Variants in HPCAL1 observed in about 807,000 individuals in gnomAD.
The protein encoded by HPCAL1 is hippocalcin-like protein 1.
A neutral mutation model predicts 17.1 loss-of-function variants in HPCAL1; 8 were observed. That is an observed-to-expected ratio of 0.47 (90% CI 0.27 to 0.84). HPCAL1 has a LOEUF of 0.84. Among genes scored for constraint, HPCAL1 ranks in the 40% least tolerant of loss-of-function variants. HPCAL1 has a pLI of 0.13. For synonymous variants in HPCAL1, 112 were observed against 111.4 expected (o/e 1.01, Z -0.03); for missense variants, 165 against 271.1 (o/e 0.61, Z 2.75).
Position 10,426,993 on chromosome 2 carries a change from C to G in HPCAL1, c.*172C>G. 1.6e-6 allele frequency: 1 copy of G among 613,288 alleles called. No individual in the cohort carries two copies. The highest frequency in any genetic ancestry group is 1.9e-5 in the South Asian group (1 of 53,690). The allele number at this position is 613,288 out of a possible 1,614,324, so 38.0% of individuals were successfully genotyped here. A position where few individuals can be genotyped will look rare whatever the true frequency, so the allele number is the denominator to read the frequency against. ...GCGCCTCCCTCCTCCACCTGACCAA[C>G]GCGACATTCCTCCCCTCACGCCTGG... On this transcript the variant is annotated 3_prime_UTR_variant, in exon 5 of 5. Coordinates refer to ENST00000307845, the MANE Select transcript of HPCAL1 (RefSeq NM_002149.4).
In HPCAL1 at chr2:10,339,852, T is replaced by C. The variant is rs962142265; in HGVS notation, c.-111+36675T>C. ...AACGGAGGCCCCAGGCTTGTGGGCC[T>C]CCTGGGGTTCCTGTGCGTTGAGGCC... On this transcript the variant is annotated intron_variant, in intron 1 of 4. Transcript: ENST00000307845. Among the ~76,000 whole-genome samples, 8 of 152,306 alleles carry C rather than the reference T, an allele frequency of 5.3e-5. No homozygotes were observed. The South Asian group carries it at 1.7e-3, about 32-fold the overall frequency.
intron 2 of HPCAL1, among the ~76,000 whole-genome samples, chr2:10,409,338 TC>T (rs1479381688): frequency 6.6e-6 from 1 of 152,110 alleles, no homozygotes; most frequent in African/African-American, 2.4e-5. Flanking sequence ...GCCTGGATGG[TC>T]CCAGATGCAT....
At chr2:10,400,842 G>A (rs1019068770) in intron 2 of HPCAL1, among the ~76,000 whole-genome samples, 9 of 152,222 alleles carry the variant, frequency 5.9e-5, no homozygotes, top group African/African-American at 2.2e-4. Context: ...CCTGGAATTG[G>A]TGGAGGGCTG....
intron 1 of HPCAL1, among the ~76,000 whole-genome samples, chr2:10,315,275 A>G (rs987711310): frequency 2.0e-5 from 3 of 148,632 alleles, no homozygotes; most frequent in Admixed American, 1.4e-4. Context: ...CCTGGGCAAC[A>G]GAGCGAGACT....
intron 1 of HPCAL1, among the ~76,000 whole-genome samples, chr2:10,351,105 A>C (rs984432529): frequency 2.0e-5 from 3 of 152,212 alleles, no homozygotes; most frequent in Admixed American, 1.3e-4. Context: ...CTTACACATA[A>C]ATGTTTACAG....
intron 1 of HPCAL1, among the ~76,000 whole-genome samples, chr2:10,378,758 G>A (rs1170806963): frequency 6.6e-6 from 1 of 152,182 alleles, no homozygotes; most frequent in African/African-American, 2.4e-5. Flanking sequence ...TTCCAGGGAG[G>A]AACTGGAGAG....
chr2:10,424,904 T>C, intron 4 of HPCAL1: 1 of 308,316 alleles, frequency 3.2e-6, no homozygotes, highest in Non-Finnish European at 6.5e-6. Flanking sequence ...TAGGCTGGGC[T>C]GATGGGTTTC....
intron 2 of HPCAL1, among the ~76,000 whole-genome samples, chr2:10,397,933 A>G (rs1669164020): frequency 2.0e-5 from 3 of 152,248 alleles, no homozygotes. Context: ...TAAGGTTGAT[A>G]AAAACACCCT....
In HPCAL1 at chr2:10,395,085, T is replaced by C. The variant is rs1443422485; in HGVS notation, c.-110-1750T>C. On this transcript the variant is annotated intron_variant, in intron 1 of 4. Transcript: ENST00000307845. The surrounding 1 kb of genome is among the most constrained non-coding windows in gnomAD (Gnocchi z 4.4). ...GTGCTGGGATTACAGGCGTGAACAATGGTGTCCAGCCTAAAATCTATCTTT... is the reference window on the plus strand; with the variant it reads ...GTGCTGGGATTACAGGCGTGAACAACGGTGTCCAGCCTAAAATCTATCTTT... Among the ~76,000 whole-genome samples, 1 of 149,598 alleles carries C rather than the reference T, an allele frequency of 6.7e-6. No homozygotes were observed. The highest frequency in any genetic ancestry group is 2.5e-5 in the African/African-American group (1 of 40,406).
At chr2:10,353,877 T>C (rs754886547) in intron 1 of HPCAL1, among the ~76,000 whole-genome samples, 5 of 152,216 alleles carry the variant, frequency 3.3e-5, no homozygotes, top group Admixed American at 2.6e-4. Context: ...TAAAATTTTA[T>C]TGGAACAGCT....
intron 1 of HPCAL1, among the ~76,000 whole-genome samples, chr2:10,348,342 G>A (rs112107359): frequency 0.015 from 2,356 of 152,194 alleles, 32 homozygotes; most frequent in Non-Finnish European, 0.022. Flanking sequence ...CCAGCTACTC[G>A]GGAGGCTGAG....
intron 1 of HPCAL1, among the ~76,000 whole-genome samples, chr2:10,360,288 A>G (rs1312611583): frequency 6.6e-6 from 1 of 152,256 alleles, no homozygotes; most frequent in Non-Finnish European, 1.5e-5. Context: ...AGGGCCTTGG[A>G]GAGTCCCTGA....
At chr2:10,348,710 C>G (rs371203064) in intron 1 of HPCAL1, among the ~76,000 whole-genome samples, 75 of 152,146 alleles carry the variant, frequency 4.9e-4, no homozygotes, top group African/African-American at 1.8e-3. Flanking sequence ...GCCCAGGAGT[C>G]TGAGGCTGCA....
chr2:10,344,337 AG>A lies in HPCAL1; in HGVS notation c.-111+41162del. 6.6e-6 allele frequency among the ~76,000 whole-genome samples: 1 copy of A among 152,344 alleles called. No individual in the cohort carries two copies. The highest frequency in any genetic ancestry group is 2.1e-4 in the South Asian group (1 of 4,830). ...GCCCAGATCCCATCCCTGCCTGAGC[AG>A]GCCATGTGCCAGCAAGGGGGGCCCC... On this transcript the variant is annotated intron_variant, in intron 1 of 4. Coordinates refer to ENST00000307845, the MANE Select transcript of HPCAL1 (RefSeq NM_002149.4). This position sits in a 1 kb window ranked among gnomAD's most constrained non-coding sequence, Gnocchi z 4.9.
intron 1 of HPCAL1, among the ~76,000 whole-genome samples, chr2:10,368,267 CAT>C (rs1315787731): frequency 6.8e-6 from 1 of 146,550 alleles, no homozygotes; most frequent in Non-Finnish European, 1.5e-5. Context: ...TAGGTTTGTG[CAT>C]GTGTGTGCAT....
rs1246507414 is a variant in HPCAL1 at position 10,331,086 on chromosome 2, C to A, written c.-111+27909C>A. Among the ~76,000 whole-genome samples, 1 of 152,118 alleles carries A rather than the reference C, an allele frequency of 6.6e-6. No individual in the cohort carries two copies. Among genetic ancestry groups the A allele is most frequent in the Non-Finnish European group, 1.5e-5 (1 of 68,018 alleles). On this transcript the variant is annotated intron_variant, in intron 1 of 4. Transcript: ENST00000307845. This position sits in a 1 kb window ranked among gnomAD's most constrained non-coding sequence, Gnocchi z 5.0. Reference sequence around the variant, plus strand: ...TCTCGTGGCCTCCCATCTGCTCTCCCGGCTGCAGGAGCGGTTTCTCTAAGC... The same window carrying A: ...TCTCGTGGCCTCCCATCTGCTCTCCAGGCTGCAGGAGCGGTTTCTCTAAGC...
At chr2:10,407,085 C>T (rs1670022991) in intron 2 of HPCAL1, among the ~76,000 whole-genome samples, 1 of 152,146 alleles carries the variant, frequency 6.6e-6, no homozygotes, top group Admixed American at 6.5e-5. Flanking sequence ...AGTCCCCCAT[C>T]CTGTCCCCCA....
In HPCAL1 at chr2:10,367,207, TGA is replaced by T. The variant is rs1212012351; in HGVS notation, c.-110-29625_-110-29624del. Among the ~76,000 whole-genome samples the T allele has an allele frequency of 6.6e-6, 1 of 151,948 alleles. No individual in the cohort carries two copies. Among genetic ancestry groups the T allele is most frequent in the East Asian group, 1.9e-4 (1 of 5,174 alleles). On this transcript the variant is annotated intron_variant, in intron 1 of 4. Transcript: ENST00000307845. This position sits in a 1 kb window ranked among gnomAD's most constrained non-coding sequence, Gnocchi z 4.4. ...GGTAACTTCATCTCTCAAAATAGGC[TGA>T]GACTTTTTACAGTTAGATATTTAAT...
At chr2:10,402,020 C>T (rs1211810539) in intron 2 of HPCAL1, among the ~76,000 whole-genome samples, 8 of 152,198 alleles carry the variant, frequency 5.3e-5, no homozygotes, top group Non-Finnish European at 8.8e-5. Flanking sequence ...CTGCCTCAGC[C>T]TCCTGAGTAG....
Sources: gnomAD v4.1 joint callset for allele counts (sites outside exome capture counted in the v4.1 genomes callset) on GRCh38, gnomAD v4.1.1 for gene constraint, Gnocchi (gnomAD v3.1) non-coding constraint, MANE v1.5 for transcripts, NCBI Gene and HGNC (gene_info 2026-07-23, HGNC 2026-07-21) for gene names.